The following TNNI3K variants were observed in gnomAD, a reference collection of about 807,000 sequenced individuals.
TNNI3K encodes the protein serine/threonine-protein kinase TNNI3K.
A neutral mutation model predicts 114.5 loss-of-function variants in TNNI3K; 140 were observed. The ratio of observed to expected loss-of-function variants is 1.22; its 90% CI spans 1.07 to 1.41. TNNI3K has a LOEUF of 1.41. TNNI3K is among the 40% of genes most tolerant of loss of function. The pLI, the probability that TNNI3K is intolerant of heterozygous loss-of-function variation, is 0.00. For missense variants in TNNI3K, 1,125 were observed against 1,007.6 expected (o/e 1.12, Z -1.58); for synonymous variants, 347 against 347.5 (o/e 1.00, Z 0.02).
intron 23 of TNNI3K, among the ~76,000 whole-genome samples, chr1:74,498,354 G>A (rs17095449): frequency 1.3e-5 from 2 of 152,092 alleles, no homozygotes; most frequent in South Asian, 2.1e-4. Flanking sequence ...ACCCCATCTC[G>A]ATTCATGCCT....
In TNNI3K at chr1:74,402,744, G is replaced by A. The variant is rs186161518; in HGVS notation, c.1772+32352G>A. On this transcript the variant is annotated intron_variant, in intron 17 of 24. Coordinates refer to ENST00000326637, the MANE Select transcript of TNNI3K (RefSeq NM_015978.3). ...TTTCCCTTCTGGCTATCAGCTGGAG[G>A]CTTCCCTTATCTTCTAGAGTAAGCT... 1.1e-4 allele frequency among the ~76,000 whole-genome samples: 16 copies of A among 152,310 alleles called. No individual in the cohort carries two copies. In the East Asian group the frequency reaches 2.7e-3, roughly 26 times the overall value.
At chr1:74,425,035 G>T (rs1310123281) in intron 17 of TNNI3K, among the ~76,000 whole-genome samples, 1 of 152,100 alleles carries the variant, frequency 6.6e-6, no homozygotes, top group African/African-American at 2.4e-5. Context: ...GAATATTTGG[G>T]TAAAGATTCA....
Position 74,439,513 on chromosome 1 carries a change from G to A in TNNI3K, c.1902G>A (p.Glu634=), listed in dbSNP as rs200153307. The A allele has an allele frequency of 6.2e-6, 10 of 1,613,316 alleles. No homozygotes were observed. Among genetic ancestry groups the A allele is most frequent in the Middle Eastern group, 1.7e-4 (1 of 6,048 alleles). ...AGAACCTCCGTTGGATGGCTCCTGA[G>A]GTGTTCACGCAGTGCACTCGGTACA... ...QPGNLRWMAP[E]VFTQCTRYTI... The change falls in exon 20 of 25, where the codon GAG becomes GAA. Residue 634 remains glutamate (E), a synonymous_variant. Coordinates refer to ENST00000326637, the MANE Select transcript of TNNI3K (RefSeq NM_015978.3).
intron 2 of TNNI3K, among the ~76,000 whole-genome samples, chr1:74,243,985 A>G (rs1570361370): frequency 6.6e-6 from 1 of 152,166 alleles, no homozygotes; most frequent in Non-Finnish European, 1.5e-5. Flanking sequence ...TGACATACAC[A>G]GTTACTTTAG....
At chr1:74,443,278 GAAGAA>G (rs1222045773) in intron 20 of TNNI3K, among the ~76,000 whole-genome samples, 1 of 151,842 alleles carries the variant, frequency 6.6e-6, no homozygotes. Context: ...GACCAATAAA[GAAGAA>G]AAGAGAATAA....
intron 9 of TNNI3K, among the ~76,000 whole-genome samples, chr1:74,352,554 G>A (rs574103497): frequency 1.7e-4 from 25 of 149,690 alleles, no homozygotes; most frequent in African/African-American, 5.4e-4. Flanking sequence ...TGTCTGTGCC[G>A]TGCCCCCAGA....
At chr1:74,318,660 G>A (rs1570460038) in intron 5 of TNNI3K, among the ~76,000 whole-genome samples, 1 of 152,182 alleles carries the variant, frequency 6.6e-6, no homozygotes, top group Non-Finnish European at 1.5e-5. Flanking sequence ...AATGTAAAAT[G>A]TACAGCTTTT....
intron 23 of TNNI3K, among the ~76,000 whole-genome samples, chr1:74,499,538 ATATAGG>A (rs1406179309): frequency 6.6e-6 from 1 of 152,166 alleles, no homozygotes; most frequent in Non-Finnish European, 1.5e-5. Flanking sequence ...TATCATAGGA[ATATAGG>A]TATAAGAAAA....
intron 5 of TNNI3K, among the ~76,000 whole-genome samples, chr1:74,323,147 T>C (rs1443293014): frequency 6.6e-6 from 1 of 152,168 alleles, no homozygotes; most frequent in East Asian, 1.9e-4. Context: ...ACAAATATGC[T>C]GGTAATATGA....
chr1:74,495,653 G>T (rs1488910661), intron 23 of TNNI3K, among the ~76,000 whole-genome samples: 1 of 152,148 alleles, frequency 6.6e-6, no homozygotes, highest in African/African-American at 2.4e-5. Flanking sequence ...AGGAAACTGA[G>T]GCTCATAGAA....
chr1:74,507,226 C>CCG (rs1669951972), intron 23 of TNNI3K, among the ~76,000 whole-genome samples: 1 of 135,938 alleles, frequency 7.4e-6, no homozygotes, highest in East Asian at 2.6e-4. Flanking sequence ...TTTCTTCACC[C>CCG]CCCCCCCATC....
At chr1:74,522,098 G>C (rs536311731) in intron 23 of TNNI3K, among the ~76,000 whole-genome samples, 2 of 152,138 alleles carry the variant, frequency 1.3e-5, no homozygotes, top group Non-Finnish European at 2.9e-5. Context: ...ATGCTGATTC[G>C]CTGGCCAGGG....
intron 7 of TNNI3K, among the ~76,000 whole-genome samples, chr1:74,337,201 A>G (rs1419347660): frequency 6.6e-6 from 1 of 151,612 alleles, no homozygotes; most frequent in Non-Finnish European, 1.5e-5. Context: ...GGGGTTGTTT[A>G]TTTTTTTCTT....
chr1:74,520,838 T>G (rs546838955), intron 23 of TNNI3K, among the ~76,000 whole-genome samples: 41 of 152,238 alleles, frequency 2.7e-4, no homozygotes, highest in Non-Finnish European at 5.9e-5. Context: ...AAGCCCCTTA[T>G]GAAATTTAGA....
intron 20 of TNNI3K, among the ~76,000 whole-genome samples, chr1:74,451,687 C>CTTTTCTTTTCTTTTCTTTTCT (rs59304469): frequency 1.3e-3 from 34 of 26,772 alleles, no homozygotes; most frequent in Non-Finnish European, 1.6e-3. Context: ...CTTTTCTTTT[C>CTTTTCTTTTCTTTTCTTTTCT]TTTCTTTCTT....
At chr1:74,460,700 T>C (rs1395040898) in intron 20 of TNNI3K, among the ~76,000 whole-genome samples, 1 of 152,198 alleles carries the variant, frequency 6.6e-6, no homozygotes, top group Non-Finnish European at 1.5e-5. Flanking sequence ...AATCTCAAGG[T>C]GACAAATTTC....
chr1:74,495,764 A>G (rs1321745159), intron 23 of TNNI3K, among the ~76,000 whole-genome samples: 1 of 152,110 alleles, frequency 6.6e-6, no homozygotes, highest in African/African-American at 2.4e-5. Flanking sequence ...GGCATAGGAG[A>G]TGCATGTTCC....
chr1:74,424,911 T>C (rs1219594744), intron 17 of TNNI3K, among the ~76,000 whole-genome samples: 1 of 151,966 alleles, frequency 6.6e-6, no homozygotes, highest in East Asian at 1.9e-4. Context: ...CCTGGAGAAA[T>C]ATGAGATCTG....
intron 6 of TNNI3K, 125 bp downstream of exon 6, chr1:74,331,673 C>T: frequency 1.2e-6 from 1 of 815,402 alleles, no homozygotes; most frequent in Admixed American, 3.3e-5. Flanking sequence ...ATATTCTCAT[C>T]AACCCATCCT....
Sources: gnomAD v4.1 joint callset for allele counts (sites outside exome capture counted in the v4.1 genomes callset) on GRCh38, gnomAD v4.1.1 for gene constraint, MANE v1.5 for transcripts, NCBI Gene and HGNC (gene_info 2026-07-23, HGNC 2026-07-21) for gene names.